NLGN1: variants seen among roughly 807,000 people sequenced by gnomAD.
The protein encoded by NLGN1 is neuroligin 1.
Under a neutral mutation model 65.5 loss-of-function variants are expected in NLGN1, and 12 were observed. The observed-to-expected ratio is 0.18, with a 90% confidence interval of 0.12 to 0.30. NLGN1 has a LOEUF of 0.30. Among genes scored for constraint, NLGN1 ranks in the 10% least tolerant of loss-of-function variants. The pLI is 1.00. For synonymous variants in NLGN1, 350 were observed against 359.5 expected (o/e 0.97, Z 0.30); for missense variants, 750 against 1,007.1 (o/e 0.74, Z 3.46).
intron 4 of NLGN1, among the ~76,000 whole-genome samples, chr3:174,104,173 G>A (rs934144295): frequency 7.2e-5 from 11 of 151,928 alleles, no homozygotes; most frequent in Non-Finnish European, 1.5e-4. Flanking sequence ...TTCTTCTGCA[G>A]TTATTTAGTT....
chr3:173,883,937 A>G (rs1403343618), intron 4 of NLGN1, among the ~76,000 whole-genome samples: 1 of 151,020 alleles, frequency 6.6e-6, no homozygotes, highest in Non-Finnish European at 1.5e-5. Context: ...TTGTCGTTCT[A>G]GCATTTTTAC....
chr3:174,053,438 A>G (rs750941062), intron 4 of NLGN1, among the ~76,000 whole-genome samples: 10 of 152,042 alleles, frequency 6.6e-5, no homozygotes, highest in African/African-American at 1.7e-4. Flanking sequence ...TGGACTATCT[A>G]TACAGTTTTG....
exon 3 of NLGN1, chr3:173,604,397 A>G (rs1751038634): frequency 1.5e-6 from 1 of 648,436 alleles, no homozygotes; most frequent in Non-Finnish European, 2.7e-6. Context: ...GGTCTGATAA[A>G]TAGTGATGAT....
chr3:173,943,389 C>T (rs1425177436), intron 4 of NLGN1, among the ~76,000 whole-genome samples: 1 of 152,156 alleles, frequency 6.6e-6, no homozygotes, highest in Non-Finnish European at 1.5e-5. Context: ...CAGAACCAAA[C>T]AGCTCTTAAG....
At chr3:173,874,597 A>G (rs773502088) in intron 4 of NLGN1, among the ~76,000 whole-genome samples, 4 of 152,216 alleles carry the variant, frequency 2.6e-5, no homozygotes, top group Non-Finnish European at 4.4e-5. Flanking sequence ...GTTTATTTCC[A>G]ACATTCAAAA....
At chr3:174,094,438 A>G (rs1359966036) in intron 4 of NLGN1, among the ~76,000 whole-genome samples, 3 of 150,762 alleles carry the variant, frequency 2.0e-5, no homozygotes, top group Admixed American at 6.6e-5. Flanking sequence ...AAATTCGTAA[A>G]CTTTTTTTTT....
intron 3 of NLGN1, among the ~76,000 whole-genome samples, chr3:173,609,705 A>T (rs966494745): frequency 6.6e-6 from 1 of 151,980 alleles, no homozygotes; most frequent in Non-Finnish European, 1.5e-5. Context: ...ATAAAAGAAG[A>T]CAAAAACCTT....
chr3:174,057,876 G>A (rs917204253), intron 4 of NLGN1: 1 of 152,036 alleles, frequency 6.6e-6, no homozygotes. Flanking sequence ...TATATAATTT[G>A]CTAAGTTACT....
At chr3:174,183,883 T>C (rs1003918153) in intron 4 of NLGN1, among the ~76,000 whole-genome samples, 4 of 152,170 alleles carry the variant, frequency 2.6e-5, no homozygotes, top group African/African-American at 9.7e-5. Flanking sequence ...GGTCTCTTGG[T>C]GAGAGCAGTC....
At chr3:173,551,896 A>G (rs1342889532) in intron 2 of NLGN1, among the ~76,000 whole-genome samples, 1 of 152,236 alleles carries the variant, frequency 6.6e-6, no homozygotes. Flanking sequence ...TGGACACTCA[A>G]AAATAGTTGT....
chr3:174,096,147 T>C (rs1457465505), intron 4 of NLGN1, among the ~76,000 whole-genome samples: 2 of 151,170 alleles, frequency 1.3e-5, no homozygotes, highest in African/African-American at 2.4e-5. Context: ...ATGTATATAA[T>C]AGACAAAAAT....
At chr3:173,473,890 A>G (rs1725741307) in intron 2 of NLGN1, among the ~76,000 whole-genome samples, 1 of 152,182 alleles carries the variant, frequency 6.6e-6, no homozygotes, top group Non-Finnish European at 1.5e-5. Flanking sequence ...GAGACGGCAG[A>G]TTTCCTACCT....
At chr3:173,901,608 T>C (rs1737400113) in intron 4 of NLGN1, among the ~76,000 whole-genome samples, 1 of 152,048 alleles carries the variant, frequency 6.6e-6, no homozygotes, top group African/African-American at 2.4e-5. Context: ...TGATAAAGGA[T>C]TATATTTTGC....
chr3:173,741,554 G>A (rs1405167918), intron 3 of NLGN1, among the ~76,000 whole-genome samples: 3 of 152,034 alleles, frequency 2.0e-5, no homozygotes, highest in African/African-American at 4.8e-5. Context: ...GTGCAGTGGC[G>A]CGATCTTGGC....
chr3:174,185,511 G>A (rs1395533376), intron 4 of NLGN1, among the ~76,000 whole-genome samples: 1 of 152,004 alleles, frequency 6.6e-6, no homozygotes, highest in Non-Finnish European at 1.5e-5. Context: ...TGGACATATG[G>A]TTTTATACTA....
At chr3:173,450,470 C>T (rs1221693545) in intron 2 of NLGN1, among the ~76,000 whole-genome samples, 1 of 152,158 alleles carries the variant, frequency 6.6e-6, no homozygotes, top group Admixed American at 6.5e-5. Flanking sequence ...GGTAACCCGA[C>T]CTTTCTCTCG....
intron 2 of NLGN1, among the ~76,000 whole-genome samples, chr3:173,544,293 A>T (rs995675660): frequency 2.8e-5 from 3 of 106,386 alleles, no homozygotes; most frequent in Admixed American, 9.0e-5. Context: ...TGTGTGTGTG[A>T]ATTACTCTGG....
At chr3:174,178,808 A>G (rs1729895184) in intron 4 of NLGN1, among the ~76,000 whole-genome samples, 1 of 152,132 alleles carries the variant, frequency 6.6e-6, no homozygotes, top group African/African-American at 2.4e-5. Context: ...AGAAAGCCTG[A>G]TGTGCTTTTT....
Position 173,536,334 on chromosome 3 carries a change from C to T in NLGN1, c.-320-67945C>T, listed in dbSNP as rs78961495. Among the ~76,000 whole-genome samples, 7 of 152,236 alleles carry T rather than the reference C, an allele frequency of 4.6e-5. No individual in the cohort carries two copies. In the East Asian group the frequency reaches 5.8e-4, roughly 13 times the overall value. On this transcript the variant is annotated intron_variant, in intron 2 of 6. Coordinates refer to ENST00000457714, the Ensembl canonical transcript of NLGN1. ...TAATTCTATTTTAATTGTGATGTTC[C>T]GTTTTCTTTGACTTATTCCCAGCTC... is the stretch of plus-strand genomic sequence containing the variant.
Sources: allele counts gnomAD v4.1 joint callset (sites outside exome capture counted in the v4.1 genomes callset), GRCh38; gene constraint gnomAD v4.1.1; transcripts MANE v1.5; gene names NCBI Gene and HGNC (gene_info 2026-07-23, HGNC 2026-07-21).